The following PRKACB variants were observed in gnomAD, a reference collection of about 807,000 sequenced individuals.
PRKACB encodes the protein cAMP-dependent protein kinase catalytic subunit beta.
A neutral mutation model predicts 51.4 loss-of-function variants in PRKACB; 16 were observed. The observed-to-expected ratio is 0.31, with a 90% CI of 0.21 to 0.47. The LOEUF (loss-of-function observed/expected upper bound fraction) is 0.47, where lower values mean the gene tolerates loss of function less well. PRKACB is among the 20% of genes least tolerant of loss of function. The probability of loss-of-function intolerance (pLI) is 1.00; values close to 1 mark genes in which losing one functional copy is unlikely to be tolerated. For synonymous variants in PRKACB, 147 were observed against 154.4 expected (o/e 0.95, Z 0.35); for missense variants, 309 against 464.5 (o/e 0.67, Z 3.08).
At chr1:84,225,016 C>G (rs1274416487) in intron 9 of PRKACB, among the ~76,000 whole-genome samples, 1 of 152,024 alleles carries the variant, frequency 6.6e-6, no homozygotes, top group African/African-American at 2.4e-5. Flanking sequence ...GTATGTGTAC[C>G]CAGAGTGATA....
chr1:84,087,830 C>A (rs1325198889), intron 1 of PRKACB, among the ~76,000 whole-genome samples: 1 of 152,232 alleles, frequency 6.6e-6, no homozygotes, highest in East Asian at 1.9e-4. Flanking sequence ...GGTGGTATAG[C>A]TTAAATTGCT....
intron 1 of PRKACB, among the ~76,000 whole-genome samples, chr1:84,131,344 C>A (rs77744305): frequency 3.4e-4 from 50 of 146,458 alleles, no homozygotes; most frequent in South Asian, 4.3e-4. Context: ...AACTCCATCT[C>A]AAAAAAAAAA....
intron 9 of PRKACB, among the ~76,000 whole-genome samples, chr1:84,234,697 C>G (rs1482412810): frequency 6.6e-6 from 1 of 152,048 alleles, no homozygotes; most frequent in East Asian, 1.9e-4. Flanking sequence ...TCTGTCACCC[C>G]TTTCTTTGAC....
chr1:84,179,142 A>C lies in PRKACB; in HGVS notation c.188-35A>C, dbSNP rs372607155. On this transcript the variant is annotated intron_variant, in intron 1 of 9. Coordinates refer to ENST00000370685, the MANE Select transcript of PRKACB (RefSeq NM_182948.4). ...TCTTATACAGAATATAAATATTCTTACAAGATAAATTTGTTTTTATATGTA... is the reference window on the plus strand; with the variant it reads ...TCTTATACAGAATATAAATATTCTTCCAAGATAAATTTGTTTTTATATGTA... The C allele has an allele frequency of 1.9e-4, 288 of 1,541,524 alleles. 1 individual carries two copies. The African/African-American group carries it at 3.6e-3, about 19-fold the overall frequency.
intron 9 of PRKACB, among the ~76,000 whole-genome samples, chr1:84,220,826 G>A (rs1313698542): frequency 6.6e-6 from 1 of 152,068 alleles, no homozygotes; most frequent in African/African-American, 2.4e-5. Flanking sequence ...TTGTTGTGTT[G>A]TTGGATTTTT....
rs542202111 is a variant in PRKACB, at chr1:84,202,925, A to G, written c.906+120A>G. The G allele has an allele frequency of 7.7e-6, 7 of 906,722 alleles. No individual in the cohort carries two copies. In the African/African-American group the frequency reaches 1.0e-4, roughly 13 times the overall value. 56.2% of individuals were successfully genotyped at this position (906,722 alleles called of 1,614,324 possible). ...CATTGGGAAAAATATAGAAAAATCT[A>G]CAGTTGCTGCTCTTACTATCATAAG... On this transcript the variant is annotated intron_variant, in intron 8 of 9. Transcript: ENST00000370685.
In PRKACB at chr1:84,111,737, A is replaced by G. The variant is rs542084234; in HGVS notation, c.46+33366A>G. Among the ~76,000 whole-genome samples the G allele has an allele frequency of 3.3e-5, 5 of 152,204 alleles. No homozygotes were observed. In the South Asian group the frequency reaches 1.0e-3, roughly 32 times the overall value. On this transcript the variant is annotated intron_variant, in intron 1 of 8. Transcript: ENST00000370688. ...GAACTTAAAAGTTAAAAAAAAAAGTATATGTCCATGCCATAGAAGACAAAG... is the reference window on the plus strand; with the variant it reads ...GAACTTAAAAGTTAAAAAAAAAAGTGTATGTCCATGCCATAGAAGACAAAG...
chr1:84,129,864 C>T (rs2100548575), intron 1 of PRKACB, among the ~76,000 whole-genome samples: 1 of 152,270 alleles, frequency 6.6e-6, no homozygotes, highest in East Asian at 1.9e-4. Context: ...CTTCCTACAT[C>T]CTCCAGCTTA....
chr1:84,223,114 A>T (rs1673990165), intron 9 of PRKACB, among the ~76,000 whole-genome samples: 1 of 152,128 alleles, frequency 6.6e-6, no homozygotes, highest in Admixed American at 6.5e-5. Context: ...CTATGTCATT[A>T]CCCATCACTT....
In PRKACB at chr1:84,235,349, T is replaced by C. The variant is rs532543813; in HGVS notation, c.*44T>C. 2 of 1,611,396 alleles carry C rather than the reference T, an allele frequency of 1.2e-6. No homozygotes were observed. Among genetic ancestry groups the C allele is most frequent in the African/African-American group, 1.3e-5 (1 of 74,892 alleles). On this transcript the variant is annotated 3_prime_UTR_variant, in exon 10 of 10. Transcript: ENST00000370685. ...CTGAGCTCACACTCAGTGTTTGCAC[T>C]CTGTTGAGAGATAAGGTAGAGCTGA...
chr1:84,139,030 T>C (rs867245749), intron 1 of PRKACB, among the ~76,000 whole-genome samples: 82 of 152,260 alleles, frequency 5.4e-4, no homozygotes, highest in African/African-American at 1.9e-3. Context: ...AAGGAAACTT[T>C]GTTATCTCAA....
intron 1 of PRKACB, among the ~76,000 whole-genome samples, chr1:84,126,371 A>G (rs1571689017): frequency 6.6e-6 from 1 of 151,998 alleles, no homozygotes; most frequent in Non-Finnish European, 1.5e-5. Context: ...ATGGAGTGGG[A>G]AGGTGGTCTT....
At chr1:84,100,981 A>G (rs1649307774) in intron 1 of PRKACB, among the ~76,000 whole-genome samples, 1 of 152,050 alleles carries the variant, frequency 6.6e-6, no homozygotes, top group Non-Finnish European at 1.5e-5. Flanking sequence ...AAATTTGTGA[A>G]GTTTTTACTT....
At chr1:84,146,862 A>G (rs1047148906) in intron 1 of PRKACB, among the ~76,000 whole-genome samples, 9 of 151,990 alleles carry the variant, frequency 5.9e-5, no homozygotes, top group Admixed American at 3.9e-4. Flanking sequence ...TTCATCTTTT[A>G]CTATTAAACT....
Position 84,204,759 on chromosome 1 carries a change from C to A in PRKACB, c.906+1954C>A, listed in dbSNP as rs1246341270. The A allele has an allele frequency of 5.9e-6, 5 of 852,574 alleles. No individual in the cohort carries two copies. The African/African-American group carries it at 9.0e-5, about 15-fold the overall frequency. 52.8% of individuals were successfully genotyped at this position (852,574 alleles called of 1,614,324 possible). A position where few individuals can be genotyped will look rare whatever the true frequency, so the allele number is the denominator to read the frequency against. Reference sequence around the variant, plus strand: ...TTACTATATTACTTTTATTTATATTCATATAAGAAATCCAATTTTCTAACA... The same window carrying A: ...TTACTATATTACTTTTATTTATATTAATATAAGAAATCCAATTTTCTAACA... On this transcript the variant is annotated intron_variant, in intron 8 of 9. Transcript: ENST00000370685.
At chr1:84,149,216 GTA>G (rs1215656966) in intron 1 of PRKACB, among the ~76,000 whole-genome samples, 2 of 151,814 alleles carry the variant, frequency 1.3e-5, no homozygotes, top group South Asian at 2.1e-4. Context: ...GTTAATTTTT[GTA>G]TATATACTCT....
intron 1 of PRKACB, chr1:84,175,857 C>A: frequency 7.5e-7 from 1 of 1,329,448 alleles, no homozygotes; most frequent in Non-Finnish European, 1.0e-6. Context: ...TTAAATCATA[C>A]AAACAGAAAA....
In PRKACB at chr1:84,187,472, C is replaced by T. The variant is rs112365302; in HGVS notation, c.560+2290C>T. Among the ~76,000 whole-genome samples, 588 of 152,230 alleles carry T rather than the reference C, an allele frequency of 3.9e-3. 7 individuals carry two copies. Among genetic ancestry groups the T allele is most frequent in the African/African-American group, 0.013 (543 of 41,554 alleles). ...ACATCAACTTTCTTGGCTTTGTTTACAGTGTAAATGTCTCTGGCTATGGCT... is the reference window on the plus strand; with the variant it reads ...ACATCAACTTTCTTGGCTTTGTTTATAGTGTAAATGTCTCTGGCTATGGCT... On this transcript the variant is annotated intron_variant, in intron 5 of 9. Coordinates refer to ENST00000370685, the MANE Select transcript of PRKACB (RefSeq NM_182948.4).
intron 7 of PRKACB, among the ~76,000 whole-genome samples, chr1:84,199,049 A>ATATATATATGCGTATATATGCATATATG (rs71097836): frequency 1.1e-3 from 158 of 138,776 alleles, no homozygotes; most frequent in African/African-American, 3.2e-3. Flanking sequence ...ATATGTATGC[A>ATATATATATGCGTATATATGCATATATG]TATATATATG....
Sources: allele counts gnomAD v4.1 joint callset (sites outside exome capture counted in the v4.1 genomes callset), GRCh38; gene constraint gnomAD v4.1.1; transcripts MANE v1.5; gene names NCBI Gene and HGNC (gene_info 2026-07-23, HGNC 2026-07-21).